RSAD2: variants seen among roughly 807,000 people sequenced by gnomAD.
RSAD2 encodes radical S-adenosyl methionine domain containing 2.
In RSAD2, 38 loss-of-function variants were observed where a neutral mutation model predicts 37.7. The observed-to-expected ratio is 1.01, with a 90% CI of 0.78 to 1.32. The LOEUF (loss-of-function observed/expected upper bound fraction) is 1.32, where lower values mean the gene tolerates loss of function less well. Among genes scored for constraint, RSAD2 ranks in the 40% most tolerant of loss-of-function variants. The pLI is 0.00. For synonymous variants in RSAD2, 163 were observed against 157.4 expected (o/e 1.04, Z -0.27); for missense variants, 428 against 437.5 (o/e 0.98, Z 0.19).
chr2:6,881,511 A>G (rs754226566), intron 1 of RSAD2, among the ~76,000 whole-genome samples: 1 of 152,250 alleles, frequency 6.6e-6, no homozygotes, highest in African/African-American at 2.4e-5. Flanking sequence ...CTTGGCTTCA[A>G]TTCTTCCACT....
intron 2 of RSAD2, among the ~76,000 whole-genome samples, chr2:6,885,299 G>C (rs192973830): frequency 6.1e-4 from 93 of 152,198 alleles, no homozygotes; most frequent in Non-Finnish European, 1.1e-3. Flanking sequence ...TGAGTCTTAG[G>C]GTCTGAGGCT....
At chr2:6,886,374 G>A (rs955832415) in intron 2 of RSAD2, among the ~76,000 whole-genome samples, 1 of 152,186 alleles carries the variant, frequency 6.6e-6, no homozygotes, top group African/African-American at 2.4e-5. Context: ...TCCCACACCA[G>A]GCTTCCCTTT....
rs79857916 is a variant in RSAD2 at position 6,872,657 on chromosome 2, G to A, written c.142+6612G>A. On this transcript the variant is annotated intron_variant, in intron 1 of 5. Transcript: ENST00000442639. ...GAGGAAGTATGGAACAGAGAAGAAA[G>A]TCTAAGCATGTCATCAAAGGTCTAA... 8.9e-3 allele frequency among the ~76,000 whole-genome samples: 1,348 copies of A among 152,254 alleles called. 6 individuals carry two copies. Among genetic ancestry groups the A allele is most frequent in the African/African-American group, 0.031 (1,293 of 41,550 alleles).
upstream of RSAD2, among the ~76,000 whole-genome samples, chr2:6,872,946 TACAA>T (rs1240089643): frequency 6.6e-6 from 1 of 152,232 alleles, no homozygotes; most frequent in Admixed American, 6.5e-5. Flanking sequence ...TCCTCTAAAC[TACAA>T]ACAGTTTCTG....
chr2:6,877,956 C>T lies in RSAD2; in HGVS notation c.156C>T (p.Val52=). Residue 52 remains valine (V), a synonymous_variant, in exon 1 of 6, where the codon GTC becomes GTT. Transcript: ENST00000382040. Reference sequence around the variant, plus strand: ...CCAAGAGGAGAAAGCAGCAGCTGGTCCTGAGAGGGCCAGATGAGACCAAAG... The same window carrying T: ...CCAAGAGGAGAAAGCAGCAGCTGGTTCTGAGAGGGCCAGATGAGACCAAAG... ...LATKRRKQQL[V]LRGPDETKEE... The T allele has an allele frequency of 6.2e-7, 1 of 1,614,126 alleles. No homozygotes were observed. Among genetic ancestry groups the T allele is most frequent in the Non-Finnish European group, 8.5e-7 (1 of 1,180,028 alleles).
upstream of RSAD2, chr2:6,876,950 T>A (rs181682969): frequency 6.6e-6 from 1 of 152,152 alleles, no homozygotes; most frequent in Admixed American, 6.5e-5. Flanking sequence ...TCTTCCAACT[T>A]CCTACAGGTG....
In RSAD2 at chr2:6,877,933, A is replaced by T. The variant is rs1434549139; in HGVS notation, c.133A>T (p.Lys45Ter). 2 of 1,614,096 alleles carry T rather than the reference A, an allele frequency of 1.2e-6. No individual in the cohort carries two copies. The highest frequency in any genetic ancestry group is 3.3e-5 in the Admixed American group (2 of 60,016). Residue 45 changes from lysine (K) to a stop codon, truncating the protein, a stop_gained, in exon 1 of 6, where the codon AAG becomes TAG. Transcript: ENST00000382040. LOFTEE classifies it high-confidence loss of function. ...GGCAACCTTCTGGCTGCTAGCTACCAAGAGGAGAAAGCAGCAGCTGGTCCT... is the reference window on the plus strand; with the variant it reads ...GGCAACCTTCTGGCTGCTAGCTACCTAGAGGAGAAAGCAGCAGCTGGTCCT... ...LRATFWLLAT[K>*]RRKQQLVLRG... is the part of the protein sequence containing the mutation.
chr2:6,879,152 C>G (rs560119274), intron 1 of RSAD2: 1 of 438,698 alleles, frequency 2.3e-6, no homozygotes, highest in South Asian at 1.6e-5. Context: ...CTTTGCTCCA[C>G]GTTACATTGG....
intron 1 of RSAD2, among the ~76,000 whole-genome samples, chr2:6,879,756 C>T (rs1384718475): frequency 6.6e-6 from 1 of 151,828 alleles, no homozygotes; most frequent in Non-Finnish European, 1.5e-5. Context: ...TCATGCCTGA[C>T]AGGATGTCTA....
At chr2:6,880,756 G>C (rs1663381596) in intron 1 of RSAD2, among the ~76,000 whole-genome samples, 1 of 151,942 alleles carries the variant, frequency 6.6e-6, no homozygotes, top group African/African-American at 2.4e-5. Context: ...TGAGATGATG[G>C]TGTTCTTGAT....
intron 2 of RSAD2, among the ~76,000 whole-genome samples, chr2:6,885,094 G>A (rs753646065): frequency 1.2e-4 from 19 of 152,112 alleles, no homozygotes; most frequent in Admixed American, 3.9e-4. Context: ...AGCCAGCTAT[G>A]CTCACGTCTA....
chr2:6,888,305 G>T (rs577797878), intron 3 of RSAD2, among the ~76,000 whole-genome samples: 56 of 152,268 alleles, frequency 3.7e-4, no homozygotes, highest in African/African-American at 1.3e-3. Context: ...TTGCTAATAG[G>T]TATGTTGAAC....
At chr2:6,895,564 G>A (rs895956054) in intron 5 of RSAD2, among the ~76,000 whole-genome samples, 1 of 152,232 alleles carries the variant, frequency 6.6e-6, no homozygotes, top group Non-Finnish European at 1.5e-5. Context: ...GTGCGCTTAG[G>A]TGTCTACTGT....
intron 1 of RSAD2, among the ~76,000 whole-genome samples, chr2:6,871,960 A>G (rs1663211021): frequency 6.6e-6 from 1 of 152,198 alleles, no homozygotes; most frequent in African/African-American, 2.4e-5. Context: ...TCAGTAATAT[A>G]AAGTTGGTTG....
At chr2:6,895,441 A>G (rs1663754671) in intron 5 of RSAD2, among the ~76,000 whole-genome samples, 2 of 152,336 alleles carry the variant, frequency 1.3e-5, no homozygotes, top group South Asian at 2.1e-4. Flanking sequence ...CCTCCAATTT[A>G]AAATCTCAAC....
At chr2:6,872,673 A>C (rs1251166356) in intron 1 of RSAD2, among the ~76,000 whole-genome samples, 1 of 152,198 alleles carries the variant, frequency 6.6e-6, no homozygotes, top group Non-Finnish European at 1.5e-5. Context: ...GCATGTCATC[A>C]AAGGTCTAAG....
chr2:6,884,812 T>C (rs1663483861), intron 2 of RSAD2, among the ~76,000 whole-genome samples: 1 of 152,212 alleles, frequency 6.6e-6, no homozygotes, highest in Admixed American at 6.5e-5. Context: ...TTGATTTTTG[T>C]GCAGCAAGAG....
At chr2:6,866,423 C>T in intron 1 of RSAD2, 1 of 985,160 alleles carries the variant, frequency 1.0e-6, no homozygotes, top group Non-Finnish European at 1.2e-6. Flanking sequence ...TGCACACACT[C>T]ACCTGTGCAC....
At chr2:6,873,422 T>C (rs1663232725), upstream of RSAD2, among the ~76,000 whole-genome samples, 1 of 152,184 alleles carries the variant, frequency 6.6e-6, no homozygotes, top group African/African-American at 2.4e-5. Context: ...AACTTTCAGG[T>C]TATGCAAATG....
Sources: allele counts gnomAD v4.1 joint callset (sites outside exome capture counted in the v4.1 genomes callset), GRCh38; gene constraint gnomAD v4.1.1; transcripts MANE v1.5; gene names NCBI Gene and HGNC (gene_info 2026-07-23, HGNC 2026-07-21).